MAP3K19: variants seen among roughly 807,000 people sequenced by gnomAD.
MAP3K19 encodes SPS1/STE20-related protein kinase YSK4.
Under a neutral mutation model 114.4 loss-of-function variants are expected in MAP3K19, and 91 were observed. That is an observed-to-expected ratio of 0.80 (90% confidence interval 0.67 to 0.95). The LOEUF (loss-of-function observed/expected upper bound fraction) is 0.95. Ranked by LOEUF, MAP3K19 falls within the 40% of genes least tolerant of loss-of-function variation. MAP3K19 has a pLI of 0.00. For synonymous variants in MAP3K19, 518 were observed against 530.5 expected (o/e 0.98, Z 0.32); for missense variants, 1,471 against 1,573.2 (o/e 0.94, Z 1.10).
chr2:134,969,324 C>T lies in MAP3K19; in HGVS notation c.3921-4408G>A, dbSNP rs1360462395. Among the ~76,000 whole-genome samples, 4 of 151,984 alleles carry T rather than the reference C, an allele frequency of 2.6e-5. 1 individual carries two copies. Among genetic ancestry groups the T allele is most frequent in the Middle Eastern group, 6.3e-3 (2 of 316 alleles). The stretch of plus-strand genomic sequence containing the variant: ...GCAGTACAGTCCAGCTTCAGCTCGG[C>T]ATCAGAGGGAGACCGTGGAAAGAGA... On this transcript the variant is annotated intron_variant, in intron 12 of 12. Transcript: ENST00000392915.
At chr2:134,977,099 C>T (rs1370773933) in intron 12 of MAP3K19, among the ~76,000 whole-genome samples, 2 of 151,364 alleles carry the variant, frequency 1.3e-5, no homozygotes, top group African/African-American at 4.9e-5. Flanking sequence ...CTTTCTCCGG[C>T]CTTTAAAATA....
At chr2:135,037,453 G>A (rs1156651651) in intron 2 of MAP3K19, among the ~76,000 whole-genome samples, 1 of 152,174 alleles carries the variant, frequency 6.6e-6, no homozygotes, top group Non-Finnish European at 1.5e-5. Context: ...GAGACAAATT[G>A]ATGAATTTGG....
chr2:135,006,417 C>T (rs1014718796), intron 5 of MAP3K19, among the ~76,000 whole-genome samples: 1 of 152,100 alleles, frequency 6.6e-6, no homozygotes, highest in Non-Finnish European at 1.5e-5. Flanking sequence ...AGAGAAGTGG[C>T]GAGTCACAAA....
At chr2:134,982,085 G>A (rs1048161765) in intron 11 of MAP3K19, among the ~76,000 whole-genome samples, 1 of 133,154 alleles carries the variant, frequency 7.5e-6, no homozygotes, top group Non-Finnish European at 1.6e-5. Context: ...TGTACTTTTT[G>A]TAGAGCCACC....
chr2:135,016,814 T>C (rs1011417856), intron 5 of MAP3K19, among the ~76,000 whole-genome samples: 7 of 152,184 alleles, frequency 4.6e-5, no homozygotes, highest in African/African-American at 1.7e-4. Context: ...TTATATTATC[T>C]CTCTCTCTTT....
chr2:135,030,845 C>T (rs1688362261), intron 2 of MAP3K19, among the ~76,000 whole-genome samples: 1 of 152,098 alleles, frequency 6.6e-6, no homozygotes, highest in African/African-American at 2.4e-5. Context: ...TCACTTGAGC[C>T]CAGGAGTTCA....
rs1441160577 is a variant in MAP3K19 at position 135,036,639 on chromosome 2, G to GTA, written c.-284+3723_-284+3724insTA. Among the ~76,000 whole-genome samples the GTA allele has an allele frequency of 2.5e-3, 89 of 35,828 alleles. No homozygotes were observed. The African/African-American group carries it at 0.025, about 10-fold the overall frequency. The allele number at this position is 35,828 out of a possible 152,430, so 23.5% of individuals were successfully genotyped here. A position where few individuals can be genotyped will look rare whatever the true frequency, so the allele number is the denominator to read the frequency against. ...ATATTTAGTTGGAGTTCAACATTAT[G>GTA]TGTGTGTGTGTGTGTGTGTGTGTGT... On this transcript the variant is annotated intron_variant, in intron 2 of 12. Coordinates refer to ENST00000392915, the MANE Select transcript of MAP3K19 (RefSeq NM_025052.5).
intron 1 of MAP3K19, among the ~76,000 whole-genome samples, chr2:135,041,079 T>G (rs531104913): frequency 6.6e-6 from 1 of 152,194 alleles, no homozygotes; most frequent in Admixed American, 6.5e-5. Flanking sequence ...ATTAACCACC[T>G]TATACGTATT....
Position 134,968,433 on chromosome 2 carries a change from C to T in MAP3K19, c.3921-3517G>A, listed in dbSNP as rs62168901. Among the ~76,000 whole-genome samples the T allele has an allele frequency of 1.4e-4, 20 of 147,978 alleles. No homozygotes were observed. In the East Asian group the frequency reaches 1.9e-3, roughly 14 times the overall value. On this transcript the variant is annotated intron_variant, in intron 12 of 12. Transcript: ENST00000392915. Reference sequence around the variant, plus strand: ...GGGGCTCCTCACATCCCAGTAGGGGCGGCCGGGCAGAGGCGCCCCTCACCT... The same window carrying T: ...GGGGCTCCTCACATCCCAGTAGGGGTGGCCGGGCAGAGGCGCCCCTCACCT...
chr2:135,043,235 T>C (rs765924332), intron 1 of MAP3K19, among the ~76,000 whole-genome samples: 6 of 151,888 alleles, frequency 4.0e-5, no homozygotes, highest in Non-Finnish European at 7.4e-5. Flanking sequence ...AGAAAGACAA[T>C]AGATGAGGTC....
chr2:134,996,754 G>A (rs1686020179), intron 8 of MAP3K19, among the ~76,000 whole-genome samples: 1 of 152,230 alleles, frequency 6.6e-6, no homozygotes, highest in Non-Finnish European at 1.5e-5. Context: ...GGCTGTTGAA[G>A]CTGAACACGG....
intron 5 of MAP3K19, among the ~76,000 whole-genome samples, chr2:135,018,803 C>T (rs776431039): frequency 1.3e-5 from 2 of 151,916 alleles, no homozygotes; most frequent in Non-Finnish European, 2.9e-5. Flanking sequence ...ACTCAAATTC[C>T]GCTGGGCGTG....
intron 3 of MAP3K19, among the ~76,000 whole-genome samples, chr2:135,028,859 G>A (rs183751011): frequency 7.2e-5 from 11 of 152,158 alleles, no homozygotes; most frequent in African/African-American, 2.7e-4. Flanking sequence ...GGTACTGTGG[G>A]AATTAATTAG....
chr2:135,009,718 T>C (rs1377704442), intron 5 of MAP3K19, among the ~76,000 whole-genome samples: 1 of 152,082 alleles, frequency 6.6e-6, no homozygotes, highest in Non-Finnish European at 1.5e-5. Context: ...TTTACATATA[T>C]AGTACCAGAC....
intron 6 of MAP3K19, among the ~76,000 whole-genome samples, chr2:135,004,957 G>T (rs1420966774): frequency 6.6e-6 from 1 of 152,146 alleles, no homozygotes; most frequent in African/African-American, 2.4e-5. Flanking sequence ...CAGACAAAAA[G>T]AAATGGACAG....
At chr2:135,029,424 G>T (rs1688331511) in intron 3 of MAP3K19, among the ~76,000 whole-genome samples, 1 of 152,080 alleles carries the variant, frequency 6.6e-6, no homozygotes, top group Admixed American at 6.6e-5. Flanking sequence ...AATTACAACT[G>T]CTGGAAACAC....
chr2:135,007,460 C>T (rs894149657), intron 5 of MAP3K19, among the ~76,000 whole-genome samples: 2 of 152,060 alleles, frequency 1.3e-5, no homozygotes, highest in Admixed American at 6.6e-5. Flanking sequence ...TATTTTTAAA[C>T]GTACAATTAA....
chr2:135,033,535 G>C (rs1162071538), intron 2 of MAP3K19, among the ~76,000 whole-genome samples: 1 of 74,452 alleles, frequency 1.3e-5, no homozygotes, highest in African/African-American at 8.7e-5. Flanking sequence ...GGGCAGAGGC[G>C]CCCCTCACCT....
intron 6 of MAP3K19, among the ~76,000 whole-genome samples, chr2:135,002,296 G>T (rs546619181): frequency 6.6e-6 from 1 of 152,226 alleles, no homozygotes; most frequent in Non-Finnish European, 1.5e-5. Flanking sequence ...TCATTAATTT[G>T]TTGTTGTTAG....
Sources: gnomAD v4.1 joint callset for allele counts (sites outside exome capture counted in the v4.1 genomes callset) on GRCh38, gnomAD v4.1.1 for gene constraint, MANE v1.5 for transcripts, NCBI Gene and HGNC (gene_info 2026-07-23, HGNC 2026-07-21) for gene names.